The following STK32C variants were observed in gnomAD, a reference collection of about 807,000 sequenced individuals.
The protein encoded by STK32C is serine/threonine kinase 32C.
STK32C carries 31 observed loss-of-function variants against 56.5 expected under a neutral mutation model. That is an observed-to-expected ratio of 0.55 (90% CI 0.41 to 0.74). The LOEUF (loss-of-function observed/expected upper bound fraction) is 0.74, where lower values mean the gene tolerates loss of function less well. STK32C is among the 30% of genes least tolerant of loss of function. STK32C has a pLI of 0.00. For synonymous variants in STK32C, 309 were observed against 289.4 expected (o/e 1.07, Z -0.69); for missense variants, 544 against 676.9 (o/e 0.80, Z 2.18).
Position 132,228,087 on chromosome 10 carries a change from G to A in STK32C, c.360C>T (p.Ala120=). Reference sequence around the variant, plus strand: ...ACTGCTGCTTGTTCATGTACTTCATGGCGTACATCTTCTCCGTGTCCCGCT... The same window carrying A: ...ACTGCTGCTTGTTCATGTACTTCATAGCGTACATCTTCTCCGTGTCCCGCT... The part of the protein sequence containing the change: ...VQKRDTEKMY[A]MKYMNKQQCI... The change falls in exon 3 of 12, where the codon GCC becomes GCT. Residue 120 remains alanine (A), a synonymous_variant. Coordinates refer to ENST00000298630, the MANE Select transcript of STK32C (RefSeq NM_173575.4). 1 of 1,614,058 alleles carries A rather than the reference G, an allele frequency of 6.2e-7. No individual in the cohort carries two copies. The highest frequency in any genetic ancestry group is 8.5e-7 in the Non-Finnish European group (1 of 1,180,034).
At chr10:132,327,364 T>C (rs1446183824) in intron 1 of STK32C, among the ~76,000 whole-genome samples, 1 of 152,176 alleles carries the variant, frequency 6.6e-6, no homozygotes, top group African/African-American at 2.4e-5. Context: ...TTAAACCTTT[T>C]TTTCTTCCCA....
At chr10:132,261,956 A>G (rs925333451) in intron 1 of STK32C, among the ~76,000 whole-genome samples, 5 of 152,192 alleles carry the variant, frequency 3.3e-5, no homozygotes, top group Non-Finnish European at 7.3e-5. Flanking sequence ...TAAAATTCAC[A>G]TGCAACCAAA....
At chr10:132,284,176 C>T (rs945633716) in intron 1 of STK32C, among the ~76,000 whole-genome samples, 4 of 151,606 alleles carry the variant, frequency 2.6e-5, no homozygotes, top group African/African-American at 7.3e-5. Context: ...CGCATCCACC[C>T]GTGCCTGAGG....
At chr10:132,259,870 C>T (rs1280185806) in intron 1 of STK32C, among the ~76,000 whole-genome samples, 2 of 152,204 alleles carry the variant, frequency 1.3e-5, no homozygotes, top group South Asian at 2.1e-4. Flanking sequence ...CTCACAGGGC[C>T]GGTTGCCTGA....
intron 2 of STK32C, among the ~76,000 whole-genome samples, chr10:132,240,104 C>G (rs1590225244): frequency 6.6e-6 from 1 of 152,082 alleles, no homozygotes; most frequent in Non-Finnish European, 1.5e-5. Flanking sequence ...GGGAAGCCCC[C>G]CCAGGGCAGA....
intron 10 of STK32C, among the ~76,000 whole-genome samples, chr10:132,212,316 G>A (rs1048040079): frequency 6.6e-6 from 1 of 152,170 alleles, no homozygotes; most frequent in Non-Finnish European, 1.5e-5. Flanking sequence ...GCAATTCAAT[G>A]GGGAAAGAAT....
chr10:132,240,895 G>A (rs547705638), intron 2 of STK32C, among the ~76,000 whole-genome samples: 165 of 151,840 alleles, frequency 1.1e-3, no homozygotes, highest in Non-Finnish European at 1.6e-3. Flanking sequence ...AGGGGCTCTC[G>A]AACCCCCAAA....
intron 2 of STK32C, among the ~76,000 whole-genome samples, chr10:132,244,544 GGGCAGGTCTCT>G (rs2063618538): frequency 6.6e-6 from 1 of 152,222 alleles, no homozygotes; most frequent in Admixed American, 6.5e-5. Context: ...TCGCTCCCCA[GGGCAGGTCTCT>G]GCCCCTCAGA....
At position 132,209,096 on chromosome 10, in the gene STK32C, A is replaced by G; in HGVS notation, c.1257T>C (p.Asn419=). The G allele has an allele frequency of 6.2e-7, 1 of 1,613,772 alleles. No homozygotes were observed. Among genetic ancestry groups the G allele is most frequent in the Non-Finnish European group, 8.5e-7 (1 of 1,179,980 alleles). Residue 419 remains asparagine, a synonymous_variant, in exon 11 of 12, where the codon AAT becomes AAC. Coordinates refer to ENST00000298630, the MANE Select transcript of STK32C (RefSeq NM_173575.4). ...CATCGAGGCAGTCTTGAAGATAGTC[A>G]TTCTCCTGTGGATGGAAAGGCACAC... ...DNSRDSSQSE[N]DYLQDCLDAI... is the part of the protein sequence containing the mutation.
At chr10:132,269,483 G>A (rs529532757) in intron 1 of STK32C, among the ~76,000 whole-genome samples, 31 of 152,324 alleles carry the variant, frequency 2.0e-4, no homozygotes, top group Non-Finnish European at 3.1e-4. Flanking sequence ...TGGGGAAAGT[G>A]TGTGGCAGCA....
At chr10:132,277,854 G>A (rs1056741254) in intron 1 of STK32C, among the ~76,000 whole-genome samples, 2 of 151,868 alleles carry the variant, frequency 1.3e-5, no homozygotes, top group African/African-American at 2.4e-5. Flanking sequence ...ACACCCTCCC[G>A]ACCTCTCCTT....
intron 1 of STK32C, among the ~76,000 whole-genome samples, chr10:132,266,719 C>A (rs915192805): frequency 2.3e-4 from 34 of 151,074 alleles, no homozygotes; most frequent in African/African-American, 8.3e-4. Flanking sequence ...GGGGGAGGCG[C>A]TGGGCAAGGG....
chr10:132,317,160 C>T (rs1309945155), intron 1 of STK32C, among the ~76,000 whole-genome samples: 1 of 152,112 alleles, frequency 6.6e-6, no homozygotes, highest in East Asian at 1.9e-4. Context: ...AAAACTCCTT[C>T]CCAAAGAAAA....
rs17854384 is a variant in STK32C, at chr10:132,222,980, T to C, written c.1000A>G (p.Thr334Ala). 6.5e-7 allele frequency: 1 copy of C among 1,549,720 alleles called. No homozygotes were observed. Among genetic ancestry groups the C allele is most frequent in the South Asian group, 1.2e-5 (1 of 84,598 alleles). The change falls in exon 9 of 12, where the codon ACT becomes GCT. Residue 334 changes from threonine (T) to alanine (A), a missense_variant. This residue lies in a region of STK32C where 277 missense variants were observed against 309.3 expected (regional missense o/e 0.90). Coordinates refer to ENST00000298630, the MANE Select transcript of STK32C (RefSeq NM_173575.4). ...EMVALLRKLL[T>A]VNPEHRLSSL... ...GAGAGCCGGTGCTCGGGGTTCACAG[T>C]GAGGAGCTGCAACCAGGCATGAGTC... is the stretch of plus-strand genomic sequence containing the variant.
At chr10:132,264,553 AGGAGGGACCCG>A (rs2064429302) in intron 1 of STK32C, among the ~76,000 whole-genome samples, 1 of 152,164 alleles carries the variant, frequency 6.6e-6, no homozygotes. Context: ...CCTCAGGGAG[AGGAGGGACCCG>A]GGCCAGGACC....
intron 1 of STK32C, among the ~76,000 whole-genome samples, chr10:132,281,971 A>G (rs373633240): frequency 1.2e-4 from 18 of 151,830 alleles, no homozygotes; most frequent in African/African-American, 4.1e-4. Context: ...GTCCGCTGCC[A>G]CTCTCAGAGC....
chr10:132,259,062 G>A (rs1324283503), intron 1 of STK32C, among the ~76,000 whole-genome samples: 1 of 126,100 alleles, frequency 7.9e-6, no homozygotes, highest in South Asian at 2.9e-4. Flanking sequence ...ACAGCTGGGG[G>A]CATGGACAGG....
intron 1 of STK32C, among the ~76,000 whole-genome samples, chr10:132,313,972 A>C (rs1425200101): frequency 6.6e-6 from 1 of 152,150 alleles, no homozygotes; most frequent in Non-Finnish European, 1.5e-5. Context: ...TCTTTCCCAC[A>C]AGAGTTCGCA....
intron 1 of STK32C, among the ~76,000 whole-genome samples, chr10:132,295,600 T>C (rs2065716952): frequency 6.6e-6 from 1 of 152,188 alleles, no homozygotes; most frequent in South Asian, 2.1e-4. Context: ...ACAGAAGAAT[T>C]CCAGGCCGGG....
Sources: allele counts gnomAD v4.1 joint callset (sites outside exome capture counted in the v4.1 genomes callset), GRCh38; gene constraint gnomAD v4.1.1; regional missense constraint gnomAD v4.1.1; transcripts MANE v1.5; gene names NCBI Gene and HGNC (gene_info 2026-07-23, HGNC 2026-07-21).